Variants in LSM14A observed in about 807,000 individuals in gnomAD.
LSM14A encodes LSM14A mRNA processing body assembly factor.
In LSM14A, 14 loss-of-function variants were observed where a neutral mutation model predicts 52.4. That is an observed-to-expected ratio of 0.27 (90% CI 0.18 to 0.42). LSM14A has a LOEUF of 0.42. Ranked by LOEUF, LSM14A falls within the 10% of genes least tolerant of loss-of-function variation. The pLI, the probability that LSM14A is intolerant of heterozygous loss-of-function variation, is 1.00. For synonymous variants in LSM14A, 185 were observed against 200.3 expected (o/e 0.92, Z 0.64); for missense variants, 417 against 581.8 (o/e 0.72, Z 2.91).
chr19:34,212,206 G>A (rs1354229050), intron 4 of LSM14A, among the ~76,000 whole-genome samples: 2 of 151,608 alleles, frequency 1.3e-5, no homozygotes, highest in Non-Finnish European at 2.9e-5. Flanking sequence ...TGATGTGTGC[G>A]CCTATCAGCT....
intron 1 of LSM14A, 63 bp from the exon 2 acceptor site, chr19:34,194,415 T>A (rs992437836): frequency 9.1e-6 from 12 of 1,325,068 alleles, no homozygotes; most frequent in Admixed American, 5.6e-5. Context: ...ACATTTAGAA[T>A]CTGGGGTACT....
intron 6 of LSM14A, among the ~76,000 whole-genome samples, chr19:34,216,519 G>C (rs1599715289): frequency 6.6e-6 from 1 of 152,144 alleles, no homozygotes; most frequent in Non-Finnish European, 1.5e-5. Flanking sequence ...TAGTGCAGTG[G>C]TGTGATCTCA....
At chr19:34,207,342 A>G (rs902365738) in intron 3 of LSM14A, among the ~76,000 whole-genome samples, 1 of 152,098 alleles carries the variant, frequency 6.6e-6, no homozygotes, top group African/African-American at 2.4e-5. Flanking sequence ...GGAATACTAG[A>G]AATAACTGGA....
intron 4 of LSM14A, among the ~76,000 whole-genome samples, chr19:34,214,600 C>T (rs375420621): frequency 4.6e-4 from 70 of 152,304 alleles, no homozygotes; most frequent in South Asian, 4.4e-3. Context: ...TATGCCACTG[C>T]GCCCGGCCCT....
chr19:34,190,327 G>A (rs537275947), intron 1 of LSM14A, among the ~76,000 whole-genome samples: 36 of 152,168 alleles, frequency 2.4e-4, no homozygotes, highest in Middle Eastern at 3.4e-3. Flanking sequence ...CTCTTGGTGT[G>A]TGCAAATCAT....
chr19:34,215,147 C>A lies in LSM14A; in HGVS notation c.562C>A (p.Pro188Thr), dbSNP rs780544197. ...AGGTCGCTCAAGCCCTCAGTTAGAC[C>A]CTTTGAGAAAAAGCCCAACCATGGA... ...SQGRSSPQLD[P>T]LRKSPTMEQA... The change falls in exon 5 of 10, where the codon CCT becomes ACT. Residue 188 changes from proline to threonine, a missense_variant. Pro to Thr is a conservative substitution (Grantham distance 38). Around this residue, in one of 2 missense-constraint regions of LSM14A, gnomAD observed 357 missense variants for 457.0 expected, o/e 0.78. Transcript: ENST00000544216. The A allele has an allele frequency of 6.8e-6, 11 of 1,612,686 alleles. No homozygotes were observed. In the African/African-American group the frequency reaches 1.5e-4, roughly 22 times the overall value.
chr19:34,192,670 G>T (rs894840631), intron 1 of LSM14A, among the ~76,000 whole-genome samples: 21 of 117,898 alleles, frequency 1.8e-4, no homozygotes, highest in Non-Finnish European at 2.9e-4. Flanking sequence ...AAAAAAAAGC[G>T]TATGCATTAA....
chr19:34,212,090 G>A (rs1198977793), intron 4 of LSM14A, among the ~76,000 whole-genome samples: 2 of 152,158 alleles, frequency 1.3e-5, no homozygotes, highest in East Asian at 1.9e-4. Context: ...GTTCATGCCT[G>A]AAACCCTAAC....
chr19:34,174,966 C>A (rs980669028), intron 1 of LSM14A, among the ~76,000 whole-genome samples: 13 of 152,104 alleles, frequency 8.5e-5, no homozygotes, highest in Non-Finnish European at 1.3e-4. Flanking sequence ...ACGAACATAT[C>A]CTTTTATGCA....
Position 34,221,649 on chromosome 19 carries a change from A to G in LSM14A, c.1279A>G (p.Arg427Gly). Residue 427 changes from arginine (R) to glycine (G), a missense_variant, in exon 9 of 10, where the codon AGA (arginine) becomes GGA (glycine). Coordinates refer to ENST00000544216, the MANE Select transcript of LSM14A (RefSeq NM_015578.4). ...TGGTGGCAGAGGGCGTGGTGGTGGC[A>G]GAGGTGGTACCTTCACTGCCCCTCG... ...FRGGRGRGGG[R>G]GGTFTAPRGF... is the part of the protein sequence containing the mutation. 6.2e-7 allele frequency: 1 copy of G among 1,614,118 alleles called. No homozygotes were observed.
intron 1 of LSM14A, among the ~76,000 whole-genome samples, chr19:34,182,713 A>G (rs1048729542): frequency 4.0e-5 from 6 of 149,682 alleles, no homozygotes; most frequent in African/African-American, 7.4e-5. Flanking sequence ...GTGTGGTGGC[A>G]GGCACCTGTA....
intron 1 of LSM14A, among the ~76,000 whole-genome samples, chr19:34,193,886 G>A (rs956929247): frequency 2.6e-5 from 4 of 152,242 alleles, no homozygotes; most frequent in Admixed American, 1.3e-4. Flanking sequence ...TAAGTTAACC[G>A]TGAGCCAGGC....
intron 3 of LSM14A, among the ~76,000 whole-genome samples, chr19:34,198,616 A>G (rs2071046666): frequency 6.6e-6 from 1 of 152,196 alleles, no homozygotes; most frequent in Admixed American, 6.5e-5. Context: ...AACTCCGTCT[A>G]AAAATAAATA....
intron 1 of LSM14A, among the ~76,000 whole-genome samples, chr19:34,175,891 T>C (rs1306032138): frequency 6.6e-6 from 1 of 152,172 alleles, no homozygotes; most frequent in Non-Finnish European, 1.5e-5. Flanking sequence ...AGAGTCTTGC[T>C]CTTGCCCAGG....
intron 1 of LSM14A, 118 bp from the exon 2 acceptor site, chr19:34,194,360 A>G (rs2070694725): frequency 1.0e-6 from 1 of 961,716 alleles, no homozygotes; most frequent in Non-Finnish European, 1.6e-6. Context: ...ATTAATGAAT[A>G]CTTTCTCAGA....
Position 34,172,698 on chromosome 19 carries a change from A to G in LSM14A, c.56A>G (p.Glu19Gly). Reference sequence around the variant, plus strand: ...AAGATCAGCCTCATCTCCAAGGCGGAGATCCGCTACGAGGGCATCCTCTAC... The same window carrying G: ...AAGATCAGCCTCATCTCCAAGGCGGGGATCCGCTACGAGGGCATCCTCTAC... The part of the protein sequence containing the change: ...GSKISLISKA[E>G]IRYEGILYTI... The change falls in exon 1 of 10, where the codon GAG becomes GGG. Residue 19 changes from glutamate (E) to glycine (G), a missense_variant. Glu to Gly is a moderately conservative substitution (Grantham distance 98). Around this residue, in one of 2 missense-constraint regions of LSM14A, gnomAD observed 60 missense variants for 124.8 expected, o/e 0.48. Transcript: ENST00000544216. The G allele has an allele frequency of 6.3e-7, 1 of 1,581,478 alleles. No individual in the cohort carries two copies. The highest frequency in any genetic ancestry group is 8.6e-7 in the Non-Finnish European group (1 of 1,165,384).
intron 3 of LSM14A, among the ~76,000 whole-genome samples, chr19:34,202,518 A>G (rs2071376726): frequency 6.6e-6 from 1 of 151,054 alleles, no homozygotes; most frequent in African/African-American, 2.4e-5. Flanking sequence ...AATCTTGCTT[A>G]TAGTGAAAAA....
chr19:34,182,259 A>T (rs1200169817), intron 1 of LSM14A, among the ~76,000 whole-genome samples: 1 of 152,112 alleles, frequency 6.6e-6, no homozygotes, highest in Non-Finnish European at 1.5e-5. Context: ...TTCTTAGTGA[A>T]CCTATGTTTT....
intron 3 of LSM14A, among the ~76,000 whole-genome samples, chr19:34,201,118 A>ATTAC (rs1471307796): frequency 6.6e-6 from 1 of 152,142 alleles, no homozygotes; most frequent in Admixed American, 6.6e-5. Flanking sequence ...TTGTTGGTTT[A>ATTAC]TTACTTGGGT....
Sources: allele counts gnomAD v4.1 joint callset (sites outside exome capture counted in the v4.1 genomes callset), GRCh38; gene constraint gnomAD v4.1.1; regional missense constraint gnomAD v4.1.1; transcripts MANE v1.5; gene names NCBI Gene and HGNC (gene_info 2026-07-23, HGNC 2026-07-21).